Variants in KCNQ5 observed in about 807,000 individuals in gnomAD.
The protein encoded by KCNQ5 is potassium voltage-gated channel subfamily Q member 5.
Under a neutral mutation model 98.2 loss-of-function variants are expected in KCNQ5, and 30 were observed. The observed-to-expected ratio is 0.31, with a 90% CI of 0.23 to 0.41. The LOEUF (loss-of-function observed/expected upper bound fraction) is 0.41, where lower values mean the gene tolerates loss of function less well. Among genes scored for constraint, KCNQ5 ranks in the 10% least tolerant of loss-of-function variants. KCNQ5 has a pLI of 1.00. For synonymous variants in KCNQ5, 458 were observed against 449.4 expected, an observed-to-expected ratio of 1.02 and a Z score of -0.24; for missense variants, 835 against 1,182.5, an observed-to-expected ratio of 0.71 and a Z score of 4.31.
intron 1 of KCNQ5, among the ~76,000 whole-genome samples, chr6:72,910,657 C>G (rs1582001011): frequency 6.6e-6 from 1 of 151,110 alleles, no homozygotes; most frequent in African/African-American, 2.4e-5. Context: ...TACTTTATCA[C>G]TTCTTACCTG....
intron 3 of KCNQ5, chr6:73,055,317 T>C (rs928538835): frequency 2.3e-5 from 33 of 1,411,896 alleles, no homozygotes; most frequent in Non-Finnish European, 3.3e-5. Flanking sequence ...ATTGATCAGA[T>C]GTAGCTGCCA....
At chr6:72,645,687 G>A (rs1349116475) in intron 1 of KCNQ5, among the ~76,000 whole-genome samples, 2 of 152,076 alleles carry the variant, frequency 1.3e-5, no homozygotes, top group African/African-American at 4.8e-5. Context: ...CCCACTCAGA[G>A]TTCTTGGATC....
chr6:72,833,869 T>A (rs1251277853), intron 1 of KCNQ5, among the ~76,000 whole-genome samples: 1 of 152,056 alleles, frequency 6.6e-6, no homozygotes, highest in African/African-American at 2.4e-5. Context: ...TGAAAAGCAA[T>A]GACATTTTTA....
intron 1 of KCNQ5, among the ~76,000 whole-genome samples, chr6:72,877,308 T>C (rs1778445484): frequency 6.6e-6 from 1 of 152,100 alleles, no homozygotes; most frequent in Non-Finnish European, 1.5e-5. Context: ...AAGGAGAACA[T>C]GTAGTATTTG....
At chr6:73,192,947 G>A (rs117692920) in intron 13 of KCNQ5, among the ~76,000 whole-genome samples, 114 of 150,438 alleles carry the variant, frequency 7.6e-4, no homozygotes, top group Non-Finnish European at 1.3e-3. Flanking sequence ...GTTGAAAATC[G>A]TTTAAAAATA....
chr6:72,825,100 T>C (rs909234153), intron 1 of KCNQ5, among the ~76,000 whole-genome samples: 1 of 151,928 alleles, frequency 6.6e-6, no homozygotes, highest in African/African-American at 2.4e-5. Flanking sequence ...CAGATGACTT[T>C]TGCTCTAGAA....
At chr6:72,760,652 C>T (rs1364496716) in intron 1 of KCNQ5, among the ~76,000 whole-genome samples, 1 of 152,042 alleles carries the variant, frequency 6.6e-6, no homozygotes, top group African/African-American at 2.4e-5. Flanking sequence ...CCCATGGAAA[C>T]CCTCTGGGCT....
At chr6:72,846,374 C>T (rs1777021943) in intron 1 of KCNQ5, among the ~76,000 whole-genome samples, 2 of 152,100 alleles carry the variant, frequency 1.3e-5, no homozygotes, top group Admixed American at 1.3e-4. Context: ...TTCATAGTCT[C>T]ACCACTCTTC....
chr6:73,197,157 A>G lies in KCNQ5; in HGVS notation c.*1743A>G, dbSNP rs16883489. The G allele has an allele frequency of 0.031, 4,706 of 152,194 alleles. 94 individuals carry two copies. Among genetic ancestry groups the G allele is most frequent in the East Asian group, 0.068 (352 of 5,168 alleles). 9.4% of individuals were successfully genotyped at this position (152,194 alleles called of 1,614,324 possible). On this transcript the variant is annotated 3_prime_UTR_variant, in exon 14 of 14. Transcript: ENST00000370398. Reference sequence around the variant, plus strand: ...CCCTCCCCAACAGGCTTTCTCCATCATTGACTCTCCCCTGCTTTTCTTCTT... The same window carrying G: ...CCCTCCCCAACAGGCTTTCTCCATCGTTGACTCTCCCCTGCTTTTCTTCTT...
At chr6:72,797,035 A>G (rs1034451951) in intron 1 of KCNQ5, among the ~76,000 whole-genome samples, 5 of 152,212 alleles carry the variant, frequency 3.3e-5, no homozygotes, top group African/African-American at 1.2e-4. Flanking sequence ...ACACACATTA[A>G]TTCTGATTTC....
At chr6:72,921,435 G>A (rs902996426) in intron 1 of KCNQ5, among the ~76,000 whole-genome samples, 7 of 152,186 alleles carry the variant, frequency 4.6e-5, no homozygotes, top group South Asian at 2.1e-4. Flanking sequence ...TTGACCAGGG[G>A]CATTTCTGGA....
At chr6:72,638,979 G>T (rs1374276307) in intron 1 of KCNQ5, among the ~76,000 whole-genome samples, 1 of 152,160 alleles carries the variant, frequency 6.6e-6, no homozygotes, top group Non-Finnish European at 1.5e-5. Flanking sequence ...AATGTTCTTG[G>T]TTCCAAGCAA....
chr6:73,127,699 A>G (rs192287484), intron 9 of KCNQ5, among the ~76,000 whole-genome samples: 128 of 152,334 alleles, frequency 8.4e-4, no homozygotes, highest in African/African-American at 2.7e-3. Flanking sequence ...TGTTTAAACA[A>G]AATTTGCCTA....
At chr6:72,820,217 C>G (rs4615346) in intron 1 of KCNQ5, among the ~76,000 whole-genome samples, 56,045 of 152,072 alleles carry the variant, frequency 0.37, 11,421 homozygotes, top group African/African-American at 0.56. Context: ...GAGGACCTCA[C>G]GGTTCCAATT....
At chr6:73,035,697 A>T (rs1771381824) in intron 2 of KCNQ5, among the ~76,000 whole-genome samples, 1 of 152,228 alleles carries the variant, frequency 6.6e-6, no homozygotes, top group Admixed American at 6.5e-5. Context: ...AACAAAACAC[A>T]GTGAAAATAG....
At position 73,117,632 on chromosome 6, in the gene KCNQ5, T is replaced by G. The variant is rs1472730771; in HGVS notation, c.1126-2851T>G. ...TCTAATAATGTGCAGACCTGCCATA[T>G]GCTTCTAGTTCTACAGGAGTCTTGC... On this transcript the variant is annotated intron_variant, in intron 7 of 13. Coordinates refer to ENST00000370398, the MANE Select transcript of KCNQ5 (RefSeq NM_019842.4). 3.3e-5 allele frequency among the ~76,000 whole-genome samples: 5 copies of G among 152,244 alleles called. No homozygotes were observed. In the East Asian group the frequency reaches 9.6e-4, roughly 29 times the overall value.
intron 1 of KCNQ5, chr6:72,987,677 G>C (rs575183318): frequency 1.6e-6 from 1 of 607,084 alleles, no homozygotes; most frequent in Admixed American, 2.5e-5. Context: ...GCCCGTCTCT[G>C]CTTCTCCACC....
At chr6:72,777,225 G>A (rs908195838) in intron 1 of KCNQ5, among the ~76,000 whole-genome samples, 12 of 152,180 alleles carry the variant, frequency 7.9e-5, no homozygotes, top group African/African-American at 2.9e-4. Flanking sequence ...CACTCAGATG[G>A]CTTAGTGGAA....
intron 7 of KCNQ5, among the ~76,000 whole-genome samples, chr6:73,116,124 C>T (rs907147986): frequency 6.6e-6 from 1 of 151,972 alleles, no homozygotes; most frequent in African/African-American, 2.4e-5. Flanking sequence ...AAACCAAAAA[C>T]TTGTATAAGA....
Sources: gnomAD v4.1 joint callset for allele counts (sites outside exome capture counted in the v4.1 genomes callset) on GRCh38, gnomAD v4.1.1 for gene constraint, MANE v1.5 for transcripts, NCBI Gene and HGNC (gene_info 2026-07-23, HGNC 2026-07-21) for gene names.